The following ADRM1 variants were observed in gnomAD, a reference collection of about 807,000 sequenced individuals.
ADRM1 encodes proteasomal ubiquitin receptor ADRM1.
ADRM1 carries 2 observed loss-of-function variants against 40.1 expected under a neutral mutation model. That is an observed-to-expected ratio of 0.05 (90% confidence interval 0.02 to 0.16). The LOEUF (loss-of-function observed/expected upper bound fraction) is 0.16. ADRM1 is among the 10% of genes least tolerant of loss of function. The pLI is 1.00. For missense variants in ADRM1, 467 were observed against 552.5 expected, an observed-to-expected ratio of 0.85 and a Z score of 1.55; for synonymous variants, 287 against 240.4, an observed-to-expected ratio of 1.19 and a Z score of -1.79.
Position 62,308,791 on chromosome 20 carries a change from G to C in ADRM1, c.*30G>C, listed in dbSNP as rs1023860621. 2 of 1,610,484 alleles carry C rather than the reference G, an allele frequency of 1.2e-6. No individual in the cohort carries two copies. Among genetic ancestry groups the C allele is most frequent in the Admixed American group, 1.7e-5 (1 of 59,518 alleles). Reference sequence around the variant, plus strand: ...CGCGCCGTCCTCCGAGGAACTGGGCGCTTGCAGTGCGTTGCACACCCTCAC... The same window carrying C: ...CGCGCCGTCCTCCGAGGAACTGGGCCCTTGCAGTGCGTTGCACACCCTCAC... On this transcript the variant is annotated 3_prime_UTR_variant, in exon 10 of 10. Coordinates refer to ENST00000253003, the MANE Select transcript of ADRM1 (RefSeq NM_007002.4).
chr20:62,308,100 C>G lies in ADRM1; in HGVS notation c.936C>G (p.Pro312=). The change falls in exon 8 of 10, where the codon CCC becomes CCG. Residue 312 remains proline, a synonymous_variant. Transcript: ENST00000253003. ...ANADVQERLL[P]YLPSGESLPQ... ...CGGATGTCCAGGAGCGCCTGCTTCC[C>G]TACTTGCCATCTGGGGAGTCGCTGC... 6.2e-7 allele frequency: 1 copy of G among 1,611,514 alleles called. No homozygotes were observed. Among genetic ancestry groups the G allele is most frequent in the Non-Finnish European group, 8.5e-7 (1 of 1,179,872 alleles).
Position 62,306,271 on chromosome 20 carries a change from G to A in ADRM1, c.405G>A (p.Gly135=). Reference sequence around the variant, plus strand: ...ATCTGAACAACCCCCCGATGCCTGGGGCGCTGGGGGCCAGCGGAAGCAGCG... The same window carrying A: ...ATCTGAACAACCCCCCGATGCCTGGAGCGCTGGGGGCCAGCGGAAGCAGCG... ...NEYLNNPPMP[G]ALGASGSSGH... Residue 135 remains glycine (G), a synonymous_variant, in exon 4 of 10, where the codon GGG becomes GGA. Transcript: ENST00000253003. 2 of 1,613,074 alleles carry A rather than the reference G, an allele frequency of 1.2e-6. No individual in the cohort carries two copies. The highest frequency in any genetic ancestry group is 8.5e-7 in the Non-Finnish European group (1 of 1,179,882).
At chr20:62,306,540 AGGGTT>A in intron 4 of ADRM1, 103 bp from the exon 5 acceptor site, 2 of 1,318,446 alleles carry the variant, frequency 1.5e-6, no homozygotes, top group African/African-American at 1.5e-5. Flanking sequence ...TGCCCCCTGT[AGGGTT>A]CAGGGGCAGC....
chr20:62,306,580 C>A, intron 4 of ADRM1, 68 bp from the exon 5 acceptor site: 1 of 1,475,430 alleles, frequency 6.8e-7, no homozygotes. Flanking sequence ...AGCAGAGGCG[C>A]AGGCAGTGCG....
rs916016683 is a variant in ADRM1, at chr20:62,307,442, T to G, written c.613T>G (p.Ser205Ala). The change falls in exon 6 of 10, where the codon TCC becomes GCC. Residue 205 changes from serine (S) to alanine (A), a missense_variant. This residue lies in a region of ADRM1 where 418 missense variants were observed against 474.6 expected (regional missense o/e 0.88). Coordinates refer to ENST00000253003, the MANE Select transcript of ADRM1 (RefSeq NM_007002.4). ...LGSSGPPGSS[S>A]SSSSRSQSAA... ...GAGCAGTGGGCCTCCAGGGAGCAGC[T>G]CCTCCTCCAGGTGAGCCTCATCGCT... The G allele has an allele frequency of 6.2e-7, 1 of 1,609,000 alleles. No homozygotes were observed. The highest frequency in any genetic ancestry group is 1.3e-5 in the African/African-American group (1 of 74,772).
intron 3 of ADRM1, 111 bp from the exon 4 acceptor site, chr20:62,306,086 C>CG (rs1984908668): frequency 1.4e-6 from 2 of 1,438,462 alleles, no homozygotes; most frequent in East Asian, 2.4e-5. Context: ...GCCAGGCACA[C>CG]GCGCCTCTGC....
At chr20:62,308,230 G>A (rs532706880) in intron 8 of ADRM1, 52 bp downstream of exon 8, 13 of 1,564,292 alleles carry the variant, frequency 8.3e-6, no homozygotes, top group Admixed American at 1.8e-5. Flanking sequence ...GAGTGGGCAG[G>A]GGGGAGGAGG....
intron 5 of ADRM1, 93 bp from the exon 6 acceptor site, chr20:62,307,278 T>G (rs1601242752): frequency 3.6e-5 from 46 of 1,263,766 alleles, no homozygotes; most frequent in Non-Finnish European, 4.9e-5. Context: ...GCTTTGGTGT[T>G]GGGAATTCCT....
Position 62,306,087 on chromosome 20 carries a change from G to T in ADRM1, c.331-110G>T, listed in dbSNP as rs868706016. ...CTCAGCATTGTGTGGCCAGGCACACGCGCCTCTGCGTCTCAGGTCCCTCAC... is the reference window on the plus strand; with the variant it reads ...CTCAGCATTGTGTGGCCAGGCACACTCGCCTCTGCGTCTCAGGTCCCTCAC... On this transcript the variant is annotated intron_variant, in intron 3 of 9. Coordinates refer to ENST00000253003, the MANE Select transcript of ADRM1 (RefSeq NM_007002.4). 4.1e-6 allele frequency: 6 copies of T among 1,450,022 alleles called. No individual in the cohort carries two copies. The Middle Eastern group carries it at 8.9e-4, about 215-fold the overall frequency. The allele number at this position is 1,450,022 out of a possible 1,614,324, so 89.8% of individuals were successfully genotyped here. A position where few individuals can be genotyped will look rare whatever the true frequency, so the allele number is the denominator to read the frequency against.
Position 62,303,419 on chromosome 20 carries a change from A to C in ADRM1, c.-1-149A>C. On this transcript the variant is annotated intron_variant, in intron 1 of 9. Transcript: ENST00000253003. ...CGGTGCGATCGTCGTGAGCGGGGCA[A>C]ACGCGGAAAGGCAGCCCGGCGTGTC... 5.1e-6 allele frequency: 4 copies of C among 790,542 alleles called. No homozygotes were observed. The South Asian group carries it at 7.0e-5, about 14-fold the overall frequency. 49.0% of individuals were successfully genotyped at this position (790,542 alleles called of 1,614,324 possible). A position where few individuals can be genotyped will look rare whatever the true frequency, so the allele number is the denominator to read the frequency against.
At chr20:62,308,347 C>G (rs1282414801) in intron 8 of ADRM1, 21 bp from the exon 9 acceptor site, 2 of 1,581,834 alleles carry the variant, frequency 1.3e-6, no homozygotes, top group Non-Finnish European at 1.7e-6. Context: ...GAGCTCAGCC[C>G]TCGCCTGGCT....
chr20:62,306,756 C>T, intron 5 of ADRM1, 22 bp downstream of exon 5: 2 of 1,579,426 alleles, frequency 1.3e-6, no homozygotes, highest in Middle Eastern at 1.7e-4. Context: ...CACCCGGGCT[C>T]TCGGGCAGCT....
At chr20:62,308,534 G>A in intron 9 of ADRM1, 64 bp downstream of exon 9, 1 of 1,562,276 alleles carries the variant, frequency 6.4e-7, no homozygotes, top group Non-Finnish European at 8.7e-7. Context: ...TGTCCCCCTG[G>A]ATCTGCAGAA....
intron 7 of ADRM1, 48 bp downstream of exon 7, chr20:62,307,876 T>C: frequency 6.4e-7 from 1 of 1,565,782 alleles, no homozygotes; most frequent in Non-Finnish European, 8.6e-7. Flanking sequence ...TGGGGCCTGC[T>C]GACCCTCGCA....
chr20:62,305,976 T>C (rs1324331768), intron 3 of ADRM1: 1 of 563,036 alleles, frequency 1.8e-6, no homozygotes. Flanking sequence ...ACACCCGGGA[T>C]TGCGGCGGAT....
chr20:62,307,802 C>T lies in ADRM1; in HGVS notation c.830C>T (p.Pro277Leu). The change falls in exon 7 of 10, where the codon CCA (proline) becomes CTA (leucine). Residue 277 changes from proline to leucine, a missense_variant. By Grantham distance (98) the Pro-to-Leu change is moderately conservative. This residue lies in a region of ADRM1 where 418 missense variants were observed against 474.6 expected (regional missense o/e 0.88). Coordinates refer to ENST00000253003, the MANE Select transcript of ADRM1 (RefSeq NM_007002.4). ...LQSILATMNVPAGPAGGQQVD... is the reference protein window; with the variant it reads ...LQSILATMNVLAGPAGGQQVD... ...AGCATCCTGGCCACGATGAACGTAC[C>T]AGCCGGGCCAGCAGGCGGCCAGCAA... The T allele has an allele frequency of 6.2e-7, 1 of 1,609,364 alleles. No homozygotes were observed. The highest frequency in any genetic ancestry group is 8.5e-7 in the Non-Finnish European group (1 of 1,178,738).
Position 62,306,747 on chromosome 20 carries a change from A to C in ADRM1, c.541+13A>C, listed in dbSNP as rs746134093. 25 of 1,592,590 alleles carry C rather than the reference A, an allele frequency of 1.6e-5. No individual in the cohort carries two copies. Among genetic ancestry groups the C allele is most frequent in the Non-Finnish European group, 2.0e-5 (23 of 1,168,346 alleles). On this transcript the variant is annotated intron_variant, in intron 5 of 9. Transcript: ENST00000253003. ...CTTGGAGGACTGGGTAACGTGCGCC[A>C]CCCGGGCTCTCGGGCAGCTTCTGCT...
chr20:62,304,078 C>T (rs1984524200), intron 2 of ADRM1: 3 of 513,664 alleles, frequency 5.8e-6, no homozygotes, highest in Non-Finnish European at 1.1e-5. Context: ...AGGTGTGGCC[C>T]TGGAGAGCCT....
At position 62,307,367 on chromosome 20, in the gene ADRM1, G is replaced by A. The variant is rs762424905; in HGVS notation, c.542-4G>A. 4.4e-6 allele frequency: 7 copies of A among 1,598,928 alleles called. No homozygotes were observed. Among genetic ancestry groups the A allele is most frequent in the Admixed American group, 3.6e-5 (2 of 55,696 alleles). On this transcript the variant is annotated splice_region_variant and splice_polypyrimidine_tract_variant and intron_variant, in intron 5 of 9. Transcript: ENST00000253003. ...CTGAGCTCGCATTTCCTTGCCCCTC[G>A]CAGGTGGGCTGGGGGCCCTGACTGG...
Sources: gnomAD v4.1 joint callset for allele counts on GRCh38, gnomAD v4.1.1 for gene constraint, gnomAD v4.1.1 regional missense constraint, MANE v1.5 for transcripts, NCBI Gene and HGNC (gene_info 2026-07-23, HGNC 2026-07-21) for gene names.